The following FHIT variants were observed in gnomAD, a reference collection of about 807,000 sequenced individuals.
The protein encoded by FHIT is fragile histidine triad diadenosine triphosphatase, also known as bis(5'-adenosyl)-triphosphatase.
Under a neutral mutation model 17.9 loss-of-function variants are expected in FHIT, and 19 were observed. The ratio of observed to expected loss-of-function variants is 1.06; its 90% CI spans 0.74 to 1.56. The LOEUF (loss-of-function observed/expected upper bound fraction) is 1.56. Among genes scored for constraint, FHIT ranks in the 40% most tolerant of loss-of-function variants. The pLI, the probability that FHIT is intolerant of heterozygous loss-of-function variation, is 0.00. For missense variants in FHIT, 248 were observed against 189.2 expected (o/e 1.31, Z -1.82); for synonymous variants, 81 against 69.7 (o/e 1.16, Z -0.81).
intron 4 of FHIT, among the ~76,000 whole-genome samples, chr3:60,708,685 GA>G (rs2107928074): frequency 6.6e-6 from 1 of 152,298 alleles, no homozygotes; most frequent in South Asian, 2.1e-4. Context: ...GCCAATTAAT[GA>G]GGACATACCA....
At chr3:60,725,482 T>A (rs1373347132) in intron 4 of FHIT, among the ~76,000 whole-genome samples, 8 of 152,084 alleles carry the variant, frequency 5.3e-5, no homozygotes, top group Admixed American at 3.9e-4. Flanking sequence ...AGGTAGGGGG[T>A]CCAACTTTAT....
At chr3:60,352,842 T>C (rs141939187) in intron 5 of FHIT, among the ~76,000 whole-genome samples, 26 of 152,226 alleles carry the variant, frequency 1.7e-4, no homozygotes, top group African/African-American at 5.5e-4. Flanking sequence ...GAGTCCTACT[T>C]ACCCAGTTTT....
chr3:61,147,577 G>T (rs2037261512), intron 2 of FHIT, among the ~76,000 whole-genome samples: 1 of 151,918 alleles, frequency 6.6e-6, no homozygotes, highest in South Asian at 2.1e-4. Context: ...AAATTTCCCA[G>T]TATTGAGACC....
chr3:60,238,752 C>T (rs1704952951), intron 5 of FHIT, among the ~76,000 whole-genome samples: 1 of 152,038 alleles, frequency 6.6e-6, no homozygotes, highest in Admixed American at 6.6e-5. Context: ...AAAGTTGGCA[C>T]CTGATTCACT....
At chr3:60,732,183 G>A in intron 4 of FHIT, 1 of 797,890 alleles carries the variant, frequency 1.3e-6, no homozygotes, top group South Asian at 1.4e-5. Context: ...TGATCTTCTT[G>A]CTGGCCTTAT....
intron 4 of FHIT, among the ~76,000 whole-genome samples, chr3:60,685,089 A>G (rs1553698062): frequency 6.6e-6 from 1 of 152,120 alleles, no homozygotes; most frequent in African/African-American, 2.4e-5. Flanking sequence ...TTATCTTCCT[A>G]GTTACTTCTC....
At chr3:60,353,772 T>C (rs1164995259) in intron 5 of FHIT, among the ~76,000 whole-genome samples, 2 of 151,944 alleles carry the variant, frequency 1.3e-5, no homozygotes, top group African/African-American at 4.8e-5. Flanking sequence ...AAAAAGTCAA[T>C]CTCAAGCAAA....
At chr3:60,957,592 C>T (rs1325607196) in intron 3 of FHIT, among the ~76,000 whole-genome samples, 1 of 152,200 alleles carries the variant, frequency 6.6e-6, no homozygotes, top group Non-Finnish European at 1.5e-5. Flanking sequence ...CCATTTGTTA[C>T]AAAACAACTG....
chr3:61,210,493 G>A, intron 1 of FHIT, among the ~76,000 whole-genome samples: 1 of 152,220 alleles, frequency 6.6e-6, no homozygotes, highest in African/African-American at 2.4e-5. Flanking sequence ...ACCTACTCAA[G>A]CCTTGGCAAT....
intron 4 of FHIT, among the ~76,000 whole-genome samples, chr3:60,820,245 T>G (rs1701880367): frequency 6.6e-6 from 1 of 151,572 alleles, no homozygotes; most frequent in African/African-American, 2.4e-5. Flanking sequence ...GAGGTAGAGG[T>G]TGCGGTTAGC....
chr3:60,834,451 T>A (rs1702451501), intron 3 of FHIT, among the ~76,000 whole-genome samples: 1 of 152,218 alleles, frequency 6.6e-6, no homozygotes, highest in Non-Finnish European at 1.5e-5. Flanking sequence ...GTTGCTTGGA[T>A]TTTTTTACTG....
chr3:60,689,757 C>G (rs896546123), intron 4 of FHIT, among the ~76,000 whole-genome samples: 15 of 152,224 alleles, frequency 9.9e-5, no homozygotes, highest in Non-Finnish European at 1.3e-4. Flanking sequence ...GAATTTGTCA[C>G]AAATTTATTT....
At chr3:60,277,359 A>G (rs1213618874) in intron 5 of FHIT, among the ~76,000 whole-genome samples, 1 of 152,160 alleles carries the variant, frequency 6.6e-6, no homozygotes, top group Non-Finnish European at 1.5e-5. Context: ...TCTAACAAAG[A>G]GCAGCCTGTA....
intron 4 of FHIT, among the ~76,000 whole-genome samples, chr3:60,592,268 C>T (rs564303155): frequency 6.9e-6 from 1 of 145,668 alleles, no homozygotes; most frequent in African/African-American, 2.5e-5. Flanking sequence ...TACTCTCTCT[C>T]TATATATATA....
chr3:61,109,784 G>A (rs1256420710), intron 2 of FHIT, among the ~76,000 whole-genome samples: 1 of 152,086 alleles, frequency 6.6e-6, no homozygotes, highest in East Asian at 1.9e-4. Context: ...ACATACCTGA[G>A]CCCACAAATA....
intron 8 of FHIT, among the ~76,000 whole-genome samples, chr3:59,795,421 T>C (rs1699739871): frequency 6.6e-6 from 1 of 151,882 alleles, no homozygotes; most frequent in Non-Finnish European, 1.5e-5. Flanking sequence ...TTCTTCTTAT[T>C]TTTATATAAA....
At chr3:60,995,374 C>T (rs2030592809) in intron 3 of FHIT, among the ~76,000 whole-genome samples, 1 of 152,088 alleles carries the variant, frequency 6.6e-6, no homozygotes, top group Admixed American at 6.5e-5. Flanking sequence ...CCTCAAAGGT[C>T]AACAAGGTAA....
At chr3:60,089,537 T>C (rs935911079) in intron 5 of FHIT, among the ~76,000 whole-genome samples, 10 of 152,192 alleles carry the variant, frequency 6.6e-5, no homozygotes, top group African/African-American at 2.2e-4. Context: ...TACAAGCTTC[T>C]GGGTTATGAA....
intron 8 of FHIT, among the ~76,000 whole-genome samples, chr3:59,810,272 C>A (rs932037962): frequency 2.6e-5 from 4 of 152,114 alleles, no homozygotes; most frequent in African/African-American, 9.7e-5. Context: ...ACGGTTTGAG[C>A]CTTGGGCTGT....
Sources: allele counts gnomAD v4.1 joint callset (sites outside exome capture counted in the v4.1 genomes callset), GRCh38; gene constraint gnomAD v4.1.1; transcripts MANE v1.5; gene names NCBI Gene and HGNC (gene_info 2026-07-23, HGNC 2026-07-21).